Variants in ZNF487 observed in about 807,000 individuals in gnomAD.
ZNF487 encodes KRAB domain only 1.
A neutral mutation model predicts 3.0 loss-of-function variants in ZNF487; 4 were observed. The observed-to-expected ratio is 1.35, with a 90% CI of 0.66 to 3.08. The LOEUF is 3.08. Ranked by LOEUF, ZNF487 falls within the 30% of genes most tolerant of loss-of-function variation. The pLI is 0.01. For synonymous variants in ZNF487, 55 were observed against 34.6 expected, an observed-to-expected ratio of 1.59 and a Z score of -2.06; for missense variants, 146 against 98.7, an observed-to-expected ratio of 1.48 and a Z score of -2.03.
chr10:43,467,637 T>A (rs1289424105), intron 1 of ZNF487, among the ~76,000 whole-genome samples: 2 of 151,658 alleles, frequency 1.3e-5, no homozygotes, highest in Non-Finnish European at 2.9e-5. Context: ...GCAAACATGG[T>A]GAAACCTTGT....
At chr10:43,491,990 A>G in the ZNF487 span, among the ~76,000 whole-genome samples, 4 of 151,626 alleles carry the variant, frequency 2.6e-5, no homozygotes, top group African/African-American at 4.9e-5. Context: ...CTGAAGTGCA[A>G]TGGTGTGATC....
At chr10:43,507,681 A>G in the ZNF487 span, among the ~76,000 whole-genome samples, 1 of 152,192 alleles carries the variant, frequency 6.6e-6, no homozygotes, top group South Asian at 2.1e-4. Flanking sequence ...TAAGCTTGTA[A>G]TGGCACAGCT....
chr10:43,508,976 C>G, the ZNF487 span, among the ~76,000 whole-genome samples: 1 of 152,066 alleles, frequency 6.6e-6, no homozygotes. Flanking sequence ...AGGCAGATTG[C>G]TTGAACTCAG....
chr10:43,521,348 C>T, the ZNF487 span, among the ~76,000 whole-genome samples: 1 of 152,108 alleles, frequency 6.6e-6, no homozygotes, highest in African/African-American at 2.4e-5. Flanking sequence ...TAATTTAACA[C>T]ACATATATTC....
intron 1 of ZNF487, among the ~76,000 whole-genome samples, chr10:43,460,843 C>T (rs1840406486): frequency 6.6e-6 from 1 of 151,826 alleles, no homozygotes; most frequent in Non-Finnish European, 1.5e-5. Flanking sequence ...CAGGCAGGCA[C>T]CACCAGGACT....
downstream of ZNF487, among the ~76,000 whole-genome samples, chr10:43,485,639 C>G (rs1381578455): frequency 6.6e-6 from 1 of 152,150 alleles, no homozygotes. Context: ...ATATTGTAGT[C>G]TAGTGTGGTA....
chr10:43,499,342 A>T, the ZNF487 span, among the ~76,000 whole-genome samples: 1 of 152,354 alleles, frequency 6.6e-6, no homozygotes, highest in African/African-American at 2.4e-5. Flanking sequence ...TTTAATAATT[A>T]CAGGAAGTGA....
chr10:43,497,354 A>G, the ZNF487 span, among the ~76,000 whole-genome samples: 1 of 152,224 alleles, frequency 6.6e-6, no homozygotes, highest in Admixed American at 6.5e-5. Context: ...ACAAATTTTA[A>G]TGATGTGAGG....
chr10:43,476,196 C>T lies in ZNF487; in HGVS notation c.124C>T (p.His42Tyr), dbSNP rs1465011585. 1.1e-5 allele frequency: 8 copies of T among 716,972 alleles called. No individual in the cohort carries two copies. The highest frequency in any genetic ancestry group is 1.8e-5 in the Non-Finnish European group (7 of 385,036). The allele number at this position is 716,972 out of a possible 1,614,324, so 44.4% of individuals were successfully genotyped here. ...ILEEESPSQS[H>Y]LDCCIDDDLM... ...AGAGGAAGAGTCCCCAAGTCAGAGCCACCTAGGTGAGTTAATAAATATATA... is the reference window on the plus strand; with the variant it reads ...AGAGGAAGAGTCCCCAAGTCAGAGCTACCTAGGTGAGTTAATAAATATATA... The change falls in exon 3 of 4, where the codon CAC becomes TAC. Residue 42 changes from histidine to tyrosine, a missense_variant. By Grantham distance (83) the His-to-Tyr change is moderately conservative. Coordinates refer to ENST00000437590, the MANE Select transcript of ZNF487 (RefSeq NM_001355444.3).
chr10:43,447,509 TG>T lies in ZNF487; in HGVS notation c.-94+10250del, dbSNP rs200120179. On this transcript the variant is annotated intron_variant, in intron 1 of 3. Coordinates refer to ENST00000437590, the MANE Select transcript of ZNF487 (RefSeq NM_001355444.3). ...TGCCTGCCTCGGGCTCCCAAAGTGC[TG>T]GGATTACAGGCGTGAGCCACCACGC... Among the ~76,000 whole-genome samples the T allele has an allele frequency of 6.9e-3, 1,051 of 152,296 alleles. 8 individuals are homozygous for T. Among genetic ancestry groups the T allele is most frequent in the South Asian group, 0.033 (160 of 4,824 alleles).
chr10:43,474,347 A>G (rs185556874), intron 1 of ZNF487, among the ~76,000 whole-genome samples: 17 of 151,872 alleles, frequency 1.1e-4, no homozygotes, highest in African/African-American at 3.6e-4. Flanking sequence ...CCAGCTACTC[A>G]GGAGGCTGAA....
chr10:43,481,806 C>T lies in ZNF487; in HGVS notation c.508C>T (p.His170Tyr). 1.4e-6 allele frequency: 1 copy of T among 706,808 alleles called. No individual in the cohort carries two copies. The highest frequency in any genetic ancestry group is 2.6e-6 in the Non-Finnish European group (1 of 385,002). 43.8% of individuals were successfully genotyped at this position (706,808 alleles called of 1,614,324 possible). A position where few individuals can be genotyped will look rare whatever the true frequency, so the allele number is the denominator to read the frequency against. Residue 170 changes from histidine (H) to tyrosine (Y), a missense_variant, in exon 4 of 4, where the codon CAT becomes TAT. Physicochemically the swap from His to Tyr is moderately conservative, Grantham distance 83. Transcript: ENST00000437590. ...AVSQNEDLFR[H>Y]QYIQTLKQCF... is the part of the protein sequence containing the mutation. The stretch of plus-strand genomic sequence containing the variant: ...CTCTCAGAATGAGGACTTATTTAGG[C>T]ATCAGTATATTCAAACTCTTAAGCA...
At chr10:43,448,576 G>C (rs143105692) in intron 1 of ZNF487, among the ~76,000 whole-genome samples, 3,883 of 152,072 alleles carry the variant, frequency 0.026, 82 homozygotes, top group Non-Finnish European at 0.04. Context: ...AGCACATTGG[G>C]AGGCCGAGGC....
chr10:43,454,996 TTC>T (rs1343210440), intron 1 of ZNF487, among the ~76,000 whole-genome samples: 1 of 150,354 alleles, frequency 6.7e-6, no homozygotes, highest in Non-Finnish European at 1.5e-5. Context: ...GATAGTCGTT[TTC>T]TTTTAGTTTG....
intron 1 of ZNF487, among the ~76,000 whole-genome samples, chr10:43,464,208 A>G (rs150233334): frequency 1.0e-3 from 151 of 150,496 alleles, no homozygotes; most frequent in African/African-American, 3.4e-3. Flanking sequence ...TTTTGAGACA[A>G]CGTCTCACTG....
chr10:43,504,047 G>A, the ZNF487 span, among the ~76,000 whole-genome samples: 682 of 152,184 alleles, frequency 4.5e-3, 2 homozygotes, highest in African/African-American at 0.016. Context: ...GCAATAGGCC[G>A]TATCATATAG....
chr10:43,446,332 C>T (rs1239421300), intron 1 of ZNF487, among the ~76,000 whole-genome samples: 2 of 150,128 alleles, frequency 1.3e-5, no homozygotes, highest in African/African-American at 2.5e-5. Context: ...ACGGGGTGGC[C>T]GGGCGGAGAC....
chr10:43,489,392 C>T, the ZNF487 span, among the ~76,000 whole-genome samples: 1 of 152,118 alleles, frequency 6.6e-6, no homozygotes, highest in Admixed American at 6.6e-5. Context: ...CTCGCTCTGT[C>T]GCCCTGGCTG....
At chr10:43,505,123 G>T in the ZNF487 span, among the ~76,000 whole-genome samples, 16 of 151,626 alleles carry the variant, frequency 1.1e-4, no homozygotes, top group African/African-American at 3.9e-4. Context: ...GGGCTCAAGC[G>T]TTCCTCCTGC....
Sources: allele counts gnomAD v4.1 joint callset (sites outside exome capture counted in the v4.1 genomes callset), GRCh38; gene constraint gnomAD v4.1.1; transcripts MANE v1.5; gene names NCBI Gene and HGNC (gene_info 2026-07-23, HGNC 2026-07-21).